PRR16: variants seen among roughly 807,000 people sequenced by gnomAD.
PRR16 encodes proline rich 16.
PRR16 carries 6 observed loss-of-function variants against 18.2 expected under a neutral mutation model. The ratio of observed to expected loss-of-function variants is 0.33; its 90% CI spans 0.18 to 0.65. The LOEUF is 0.65. Ranked by LOEUF, PRR16 falls within the 30% of genes least tolerant of loss-of-function variation. The probability of loss-of-function intolerance (pLI) is 0.74; values close to 1 mark genes in which losing one functional copy is unlikely to be tolerated. For synonymous variants in PRR16, 151 were observed against 147.8 expected, an observed-to-expected ratio of 1.02 and a Z score of -0.16; for missense variants, 412 against 376.6, an observed-to-expected ratio of 1.09 and a Z score of -0.78.
chr5:120,474,527 T>G (rs940701792), intron 1 of PRR16, among the ~76,000 whole-genome samples: 4 of 152,160 alleles, frequency 2.6e-5, no homozygotes, highest in African/African-American at 9.7e-5. Flanking sequence ...CCTTTTTCTT[T>G]CTTTATGCTT....
the PRR16 span, among the ~76,000 whole-genome samples, chr5:120,722,368 G>C: frequency 6.6e-6 from 1 of 152,034 alleles, no homozygotes. Flanking sequence ...ATGGGGTAAG[G>C]TCCTGGCAAG....
At chr5:120,703,434 C>T in the PRR16 span, among the ~76,000 whole-genome samples, 1 of 152,184 alleles carries the variant, frequency 6.6e-6, no homozygotes, top group Non-Finnish European at 1.5e-5. Context: ...ATTTTCGAAG[C>T]CTAGTGAACT....
At chr5:120,754,413 C>CTATATATTATATAATATA in the PRR16 span, among the ~76,000 whole-genome samples, 2 of 24,194 alleles carry the variant, frequency 8.3e-5, no homozygotes, top group Non-Finnish European at 1.3e-4. Context: ...ATACTATATA[C>CTATATATTATATAATATA]TATATATTAT....
At chr5:120,592,419 T>C (rs978036460) in intron 1 of PRR16, among the ~76,000 whole-genome samples, 3 of 152,152 alleles carry the variant, frequency 2.0e-5, no homozygotes, top group East Asian at 3.8e-4. Context: ...CTGGACAACA[T>C]AATTTTGGTT....
intron 1 of PRR16, among the ~76,000 whole-genome samples, chr5:120,514,255 A>T (rs1170639532): frequency 1.3e-5 from 2 of 152,146 alleles, no homozygotes; most frequent in African/African-American, 4.8e-5. Context: ...TCAAGGTGGT[A>T]GCTTGCCTGG....
the PRR16 span, among the ~76,000 whole-genome samples, chr5:120,710,294 A>C: frequency 4.6e-5 from 7 of 152,246 alleles, no homozygotes; most frequent in East Asian, 1.4e-3. Context: ...TAGTACATAC[A>C]AGGCTTTTTA....
At chr5:120,785,532 C>T in the PRR16 span, among the ~76,000 whole-genome samples, 2 of 149,930 alleles carry the variant, frequency 1.3e-5, no homozygotes, top group African/African-American at 4.9e-5. Flanking sequence ...TACTTGTACA[C>T]ATAGAAGTCT....
At chr5:120,568,636 G>T (rs1752808256) in intron 1 of PRR16, among the ~76,000 whole-genome samples, 1 of 151,976 alleles carries the variant, frequency 6.6e-6, no homozygotes, top group Admixed American at 6.6e-5. Flanking sequence ...ATATACCATA[G>T]CAGATATGCT....
the PRR16 span, among the ~76,000 whole-genome samples, chr5:120,706,906 ACTTATCAAAGTTAAGCT>A: frequency 6.6e-6 from 1 of 152,162 alleles, no homozygotes; most frequent in Non-Finnish European, 1.5e-5. Flanking sequence ...GCTAATTACC[ACTTATCAAAGTTAAGCT>A]CTTACCCTCT....
chr5:120,646,228 A>G (rs968444513), intron 1 of PRR16, among the ~76,000 whole-genome samples: 1 of 151,762 alleles, frequency 6.6e-6, no homozygotes, highest in Non-Finnish European at 1.5e-5. Flanking sequence ...CCTTATTTAT[A>G]GAATTTTTGT....
At chr5:120,695,954 T>C in the PRR16 span, among the ~76,000 whole-genome samples, 3 of 135,942 alleles carry the variant, frequency 2.2e-5, no homozygotes, top group Admixed American at 7.3e-5. Context: ...TATATATATA[T>C]AAAACCGGCC....
At chr5:120,639,559 C>T (rs1755353382) in intron 1 of PRR16, among the ~76,000 whole-genome samples, 1 of 151,798 alleles carries the variant, frequency 6.6e-6, no homozygotes, top group Admixed American at 6.6e-5. Context: ...GCTTTTTCTG[C>T]ATCTATGGAG....
rs1447789436 is a variant in PRR16, at chr5:120,625,887, A to T, written c.160-60067A>T. On this transcript the variant is annotated intron_variant, in intron 1 of 1. Coordinates refer to ENST00000407149, the MANE Select transcript of PRR16 (RefSeq NM_001300783.2). ...CCTCATGACAAGCTTATTTATAAGG[A>T]TCCATTATCATTATTTCCCTTCTAC... Among the ~76,000 whole-genome samples, 6 of 152,134 alleles carry T rather than the reference A, an allele frequency of 3.9e-5. No homozygotes were observed. In the East Asian group the frequency reaches 9.6e-4, roughly 24 times the overall value.
At chr5:120,709,181 G>C in the PRR16 span, among the ~76,000 whole-genome samples, 18 of 151,354 alleles carry the variant, frequency 1.2e-4, no homozygotes, top group African/African-American at 4.4e-4. Context: ...CTAATTTTTT[G>C]TATTTTTAGT....
At chr5:120,794,344 G>A in the PRR16 span, among the ~76,000 whole-genome samples, 1 of 152,032 alleles carries the variant, frequency 6.6e-6, no homozygotes, top group Non-Finnish European at 1.5e-5. Flanking sequence ...TGGCCTATAT[G>A]GGGCAAGTCT....
intron 1 of PRR16, among the ~76,000 whole-genome samples, chr5:120,569,843 G>T (rs536037207): frequency 1.3e-5 from 2 of 152,148 alleles, no homozygotes; most frequent in East Asian, 3.9e-4. Context: ...TCTGAGTAAA[G>T]GGTTGATATA....
intron 1 of PRR16, among the ~76,000 whole-genome samples, chr5:120,474,596 TTA>T (rs1491441992): frequency 6.9e-6 from 1 of 144,650 alleles, no homozygotes; most frequent in African/African-American, 2.7e-5. Flanking sequence ...TATCTTTTTT[TTA>T]AAAAAAAAAC....
Position 120,505,992 on chromosome 5 carries a change from G to A in PRR16, c.159+41347G>A, listed in dbSNP as rs1427396192. Among the ~76,000 whole-genome samples, 17 of 150,046 alleles carry A rather than the reference G, an allele frequency of 1.1e-4. No homozygotes were observed. The South Asian group carries it at 3.6e-3, about 31-fold the overall frequency. ...TATACACATTTTTTCTACATAGAGT[G>A]CATCTAGTTTCATCACATTTACTTC... On this transcript the variant is annotated intron_variant, in intron 1 of 1. Transcript: ENST00000407149.
intron 1 of PRR16, among the ~76,000 whole-genome samples, chr5:120,555,502 G>A (rs1204275786): frequency 6.6e-6 from 1 of 151,750 alleles, no homozygotes; most frequent in Non-Finnish European, 1.5e-5. Flanking sequence ...TTCTCACATG[G>A]TGGTGGGGTG....
Sources: gnomAD v4.1 joint callset for allele counts (sites outside exome capture counted in the v4.1 genomes callset) on GRCh38, gnomAD v4.1.1 for gene constraint, MANE v1.5 for transcripts, NCBI Gene and HGNC (gene_info 2026-07-23, HGNC 2026-07-21) for gene names.